The following PPP1R12B variants were observed in gnomAD, a reference collection of about 807,000 sequenced individuals.
The protein encoded by PPP1R12B is protein phosphatase 1 regulatory subunit 12B.
A neutral mutation model predicts 126.1 loss-of-function variants in PPP1R12B; 76 were observed. The ratio of observed to expected loss-of-function variants is 0.60; its 90% CI spans 0.50 to 0.73. PPP1R12B has a LOEUF of 0.73. PPP1R12B is among the 30% of genes least tolerant of loss of function. The pLI is 0.00. For missense variants in PPP1R12B, 1,052 were observed against 1,205.1 expected (o/e 0.87, Z 1.88); for synonymous variants, 356 against 434.7 (o/e 0.82, Z 2.25).
chr1:202,569,046 C>A, intron 22 of PPP1R12B, 101 bp from the exon 23 acceptor site: 1 of 1,335,544 alleles, frequency 7.5e-7, no homozygotes, highest in Non-Finnish European at 1.1e-6. Flanking sequence ...AGCAGACAAA[C>A]CTTTGACCGT....
At chr1:202,365,011 C>T (rs1289405824) in intron 1 of PPP1R12B, among the ~76,000 whole-genome samples, 1 of 152,182 alleles carries the variant, frequency 6.6e-6, no homozygotes, top group African/African-American at 2.4e-5. Context: ...CGCACCCAGC[C>T]AGCAAAATTT....
intron 13 of PPP1R12B, among the ~76,000 whole-genome samples, chr1:202,473,537 T>A (rs1219418666): frequency 2.0e-5 from 3 of 152,230 alleles, no homozygotes; most frequent in African/African-American, 7.2e-5. Context: ...AGAATGAGAA[T>A]GCTGCATCTC....
In PPP1R12B at chr1:202,581,379, A is replaced by C. The variant is rs1689538488; in HGVS notation, c.*819A>C. ...TTATTCTGGAGACAAGAAAATCATCACTCTGGTGCCTTGGTGGCAGCACCA... is the reference window on the plus strand; with the variant it reads ...TTATTCTGGAGACAAGAAAATCATCCCTCTGGTGCCTTGGTGGCAGCACCA... On this transcript the variant is annotated 3_prime_UTR_variant, in exon 24 of 24. Coordinates refer to ENST00000608999, the MANE Select transcript of PPP1R12B (RefSeq NM_002481.4). The C allele has an allele frequency of 6.6e-6, 1 of 152,186 alleles. No homozygotes were observed. The highest frequency in any genetic ancestry group is 1.9e-4 in the East Asian group (1 of 5,200). 9.4% of individuals were successfully genotyped at this position (152,186 alleles called of 1,614,324 possible). A position where few individuals can be genotyped will look rare whatever the true frequency, so the allele number is the denominator to read the frequency against.
intron 5 of PPP1R12B, 22 bp from the exon 6 acceptor site, chr1:202,428,833 T>C (rs745820070): frequency 1.3e-6 from 2 of 1,597,018 alleles, no homozygotes; most frequent in Admixed American, 3.5e-5. Context: ...CTATCAGTCA[T>C]GGTGCTCCTT....
chr1:202,462,782 G>A, intron 13 of PPP1R12B: 2 of 985,138 alleles, frequency 2.0e-6, no homozygotes, highest in Non-Finnish European at 2.4e-6. Context: ...CCAGTGTTTA[G>A]AGAAGGACAG....
chr1:202,383,686 T>C (rs1457522616), intron 1 of PPP1R12B, among the ~76,000 whole-genome samples: 3 of 152,080 alleles, frequency 2.0e-5, no homozygotes, highest in Non-Finnish European at 2.9e-5. Context: ...ATCCCACCCT[T>C]GCACTCCAGC....
intron 18 of PPP1R12B, among the ~76,000 whole-genome samples, chr1:202,501,383 A>AT (rs554782574): frequency 9.9e-4 from 151 of 152,102 alleles, no homozygotes; most frequent in African/African-American, 3.4e-3. Flanking sequence ...TTTTCTTTAC[A>AT]TTGAGTTTTA....
intron 1 of PPP1R12B, among the ~76,000 whole-genome samples, chr1:202,367,996 T>G (rs1055237445): frequency 6.6e-6 from 1 of 151,162 alleles, no homozygotes; most frequent in African/African-American, 2.4e-5. Flanking sequence ...AGAGACGGAG[T>G]TTTGCTCTTG....
intron 1 of PPP1R12B, among the ~76,000 whole-genome samples, chr1:202,403,761 G>A (rs1347943282): frequency 2.0e-5 from 3 of 152,198 alleles, no homozygotes; most frequent in Non-Finnish European, 2.9e-5. Flanking sequence ...CACTAGTTGG[G>A]AATCAGAAAC....
intron 2 of PPP1R12B, among the ~76,000 whole-genome samples, chr1:202,417,629 AC>A (rs750787464): frequency 5.9e-5 from 9 of 152,246 alleles, no homozygotes; most frequent in Non-Finnish European, 1.2e-4. Flanking sequence ...GGCAGTCGAA[AC>A]ATCTTTAAAA....
intron 18 of PPP1R12B, among the ~76,000 whole-genome samples, chr1:202,548,798 CTCTCTCTCTCTATA>C (rs1256648543): frequency 1.8e-4 from 20 of 109,034 alleles, no homozygotes; most frequent in East Asian, 1.2e-3. Flanking sequence ...CTCTCTCTCT[CTCTCTCTCTCTATA>C]TATATATATA....
At chr1:202,473,254 CAT>C (rs1676171650) in intron 13 of PPP1R12B, among the ~76,000 whole-genome samples, 1 of 152,316 alleles carries the variant, frequency 6.6e-6, no homozygotes, top group East Asian at 1.9e-4. Context: ...ATATGTGACA[CAT>C]ATTAGATCTA....
At chr1:202,502,333 T>C in intron 18 of PPP1R12B, 1 of 985,358 alleles carries the variant, frequency 1.0e-6, no homozygotes, top group Non-Finnish European at 1.2e-6. Context: ...AGCTATTAAA[T>C]GCAAGGTTTT....
intron 1 of PPP1R12B, among the ~76,000 whole-genome samples, chr1:202,403,287 A>T (rs1666119726): frequency 6.6e-6 from 1 of 152,240 alleles, no homozygotes; most frequent in African/African-American, 2.4e-5. Context: ...GGAGTTTCAA[A>T]TATAGAATTT....
chr1:202,440,889 C>T, intron 11 of PPP1R12B, 101 bp downstream of exon 11: 1 of 902,856 alleles, frequency 1.1e-6, no homozygotes, highest in Non-Finnish European at 1.8e-6. Flanking sequence ...CCTCAGGTGT[C>T]CTTACCACAT....
intron 18 of PPP1R12B, among the ~76,000 whole-genome samples, chr1:202,530,339 C>T (rs1463049875): frequency 5.3e-5 from 8 of 152,126 alleles, no homozygotes; most frequent in Non-Finnish European, 1.0e-4. Flanking sequence ...TTCCCCTCCC[C>T]GTGACAAACC....
chr1:202,371,001 CTTTT>C (rs774584500), intron 1 of PPP1R12B, among the ~76,000 whole-genome samples: 1 of 109,124 alleles, frequency 9.2e-6, no homozygotes. Flanking sequence ...TGCTCCACAT[CTTTT>C]TTTTTTTTTT....
chr1:202,409,863 T>A (rs1667164178), intron 1 of PPP1R12B, among the ~76,000 whole-genome samples: 1 of 152,160 alleles, frequency 6.6e-6, no homozygotes, highest in South Asian at 2.1e-4. Flanking sequence ...GCTATCTCAT[T>A]GTAGTTTTGA....
Position 202,585,088 on chromosome 1 carries a change from C to T in PPP1R12B, c.*4528C>T, listed in dbSNP as rs1286484126. 2 of 152,368 alleles carry T rather than the reference C, an allele frequency of 1.3e-5. No homozygotes were observed. The highest frequency in any genetic ancestry group is 4.8e-5 in the African/African-American group (2 of 41,448). The allele number at this position is 152,368 out of a possible 1,614,324, so 9.4% of individuals were successfully genotyped here. On this transcript the variant is annotated 3_prime_UTR_variant, in exon 24 of 24. Coordinates refer to ENST00000608999, the MANE Select transcript of PPP1R12B (RefSeq NM_002481.4). ...CTCAGCTCACTGCAACCTCCACCTCCCAGGCTCAAGGGATCCTCTCACCTC... is the reference window on the plus strand; with the variant it reads ...CTCAGCTCACTGCAACCTCCACCTCTCAGGCTCAAGGGATCCTCTCACCTC...
Sources: allele counts gnomAD v4.1 joint callset (sites outside exome capture counted in the v4.1 genomes callset), GRCh38; gene constraint gnomAD v4.1.1; transcripts MANE v1.5; gene names NCBI Gene and HGNC (gene_info 2026-07-23, HGNC 2026-07-21).